GMDS: variants seen among roughly 807,000 people sequenced by gnomAD.
GMDS encodes GDP-mannose 4,6-dehydratase.
GMDS carries 20 observed loss-of-function variants against 49.9 expected under a neutral mutation model. The ratio of observed to expected loss-of-function variants is 0.40; its 90% CI spans 0.28 to 0.58. The LOEUF (loss-of-function observed/expected upper bound fraction) is 0.58, where lower values mean the gene tolerates loss of function less well. Ranked by LOEUF, GMDS falls within the 20% of genes least tolerant of loss-of-function variation. The pLI, the probability that GMDS is intolerant of heterozygous loss-of-function variation, is 0.42. For missense variants in GMDS, 362 were observed against 481.4 expected, an observed-to-expected ratio of 0.75 and a Z score of 2.32; for synonymous variants, 177 against 178.6, an observed-to-expected ratio of 0.99 and a Z score of 0.07.
intron 4 of GMDS, among the ~76,000 whole-genome samples, chr6:1,998,650 T>G (rs949651780): frequency 6.6e-5 from 10 of 152,318 alleles, no homozygotes; most frequent in African/African-American, 2.4e-4. Context: ...AAAACTACAG[T>G]GTACCAATTA....
intron 9 of GMDS, among the ~76,000 whole-genome samples, chr6:1,699,487 G>A (rs903286166): frequency 5.9e-5 from 9 of 152,210 alleles, no homozygotes; most frequent in East Asian, 3.9e-4. Flanking sequence ...ATCCTCTTAC[G>A]TTCTTGGTGT....
chr6:1,828,995 T>C lies in GMDS; in HGVS notation c.772-86409A>G, dbSNP rs76776631. Among the ~76,000 whole-genome samples, 827 of 152,344 alleles carry C rather than the reference T, an allele frequency of 5.4e-3. 7 individuals are homozygous for C. The highest frequency in any genetic ancestry group is 0.018 in the African/African-American group (757 of 41,576). ...TATTTTGTATATGTGTACCATATAC[T>C]GTATTCTTACAATGAAGAAAGCTAC... On this transcript the variant is annotated intron_variant, in intron 7 of 10. Coordinates refer to ENST00000380815, the MANE Select transcript of GMDS (RefSeq NM_001500.4).
chr6:1,862,981 A>T (rs1461110474), intron 7 of GMDS, among the ~76,000 whole-genome samples: 1 of 152,254 alleles, frequency 6.6e-6, no homozygotes, highest in Non-Finnish European at 1.5e-5. Context: ...ATAATTCATT[A>T]TGAGTAATAA....
chr6:1,873,699 G>A (rs1758887303), intron 7 of GMDS, among the ~76,000 whole-genome samples: 1 of 152,200 alleles, frequency 6.6e-6, no homozygotes, highest in South Asian at 2.1e-4. Flanking sequence ...TTTTTAAGCA[G>A]TAAAGATCCT....
chr6:1,687,851 A>T (rs1301093843), intron 9 of GMDS, among the ~76,000 whole-genome samples: 3 of 152,094 alleles, frequency 2.0e-5, no homozygotes, highest in Non-Finnish European at 4.4e-5. Context: ...GTAAGAGGGC[A>T]GGAGCTAAGC....
intron 7 of GMDS, among the ~76,000 whole-genome samples, chr6:1,847,352 G>A (rs1404539273): frequency 6.6e-6 from 1 of 152,074 alleles, no homozygotes; most frequent in Non-Finnish European, 1.5e-5. Flanking sequence ...CCTGCCCTAG[G>A]GTAAATATTC....
chr6:2,211,396 G>A (rs1332017224), intron 1 of GMDS, among the ~76,000 whole-genome samples: 1 of 152,062 alleles, frequency 6.6e-6, no homozygotes, highest in Non-Finnish European at 1.5e-5. Flanking sequence ...GTATCTATTT[G>A]TTTTCCAAAT....
chr6:2,081,850 C>G (rs2127468774), intron 4 of GMDS, among the ~76,000 whole-genome samples: 1 of 152,076 alleles, frequency 6.6e-6, no homozygotes, highest in Admixed American at 6.5e-5. Context: ...GAGATCTCCC[C>G]TCTCCCTCTC....
chr6:1,947,092 A>G (rs749464566), intron 6 of GMDS, among the ~76,000 whole-genome samples: 4 of 152,246 alleles, frequency 2.6e-5, no homozygotes, highest in Non-Finnish European at 5.9e-5. Context: ...TTCTTTTCCT[A>G]TATTTTCAGT....
At chr6:1,993,342 C>T (rs1766072721) in intron 4 of GMDS, among the ~76,000 whole-genome samples, 2 of 152,136 alleles carry the variant, frequency 1.3e-5, no homozygotes, top group Non-Finnish European at 2.9e-5. Context: ...GTAACTTTTC[C>T]TCTATCACTT....
chr6:2,021,941 T>C (rs1013016727), intron 4 of GMDS, among the ~76,000 whole-genome samples: 7 of 152,184 alleles, frequency 4.6e-5, no homozygotes, highest in African/African-American at 1.7e-4. Flanking sequence ...CTCAACATCA[T>C]TAAATTGCTA....
chr6:2,000,844 A>C (rs1766772458), intron 4 of GMDS, among the ~76,000 whole-genome samples: 1 of 152,208 alleles, frequency 6.6e-6, no homozygotes, highest in African/African-American at 2.4e-5. Context: ...CTTTCTAAGA[A>C]ATACTATTCC....
chr6:2,043,949 C>T (rs956039635), intron 4 of GMDS, among the ~76,000 whole-genome samples: 1 of 152,006 alleles, frequency 6.6e-6, no homozygotes, highest in African/African-American at 2.4e-5. Flanking sequence ...GTGTGGCCAA[C>T]AAGCATATGA....
intron 6 of GMDS, among the ~76,000 whole-genome samples, chr6:1,950,384 T>G (rs2127275869): frequency 6.6e-6 from 1 of 152,344 alleles, no homozygotes; most frequent in South Asian, 2.1e-4. Flanking sequence ...TTCTTATAAC[T>G]AATAACAAAA....
intron 9 of GMDS, among the ~76,000 whole-genome samples, chr6:1,674,519 A>G (rs1250595483): frequency 7.2e-6 from 1 of 139,264 alleles, no homozygotes; most frequent in Non-Finnish European, 1.5e-5. Context: ...AGAAGTTTTT[A>G]ATTTTTCTGA....
chr6:1,695,168 C>T (rs935688058), intron 9 of GMDS, among the ~76,000 whole-genome samples: 2 of 152,120 alleles, frequency 1.3e-5, no homozygotes, highest in Non-Finnish European at 2.9e-5. Flanking sequence ...CAGGAAAGCT[C>T]GTCTGCACAA....
intron 7 of GMDS, among the ~76,000 whole-genome samples, chr6:1,863,060 C>T (rs1057471518): frequency 6.6e-6 from 1 of 152,086 alleles, no homozygotes; most frequent in Non-Finnish European, 1.5e-5. Flanking sequence ...TTTTATCCTG[C>T]AGAAAAAAGA....
intron 7 of GMDS, among the ~76,000 whole-genome samples, chr6:1,900,389 C>T (rs1235885653): frequency 6.6e-6 from 1 of 152,208 alleles, no homozygotes; most frequent in Non-Finnish European, 1.5e-5. Context: ...TAGCACATAA[C>T]ACACAAGCAC....
At chr6:1,823,105 C>A (rs886168664) in intron 7 of GMDS, among the ~76,000 whole-genome samples, 1 of 152,056 alleles carries the variant, frequency 6.6e-6, no homozygotes, top group Non-Finnish European at 1.5e-5. Flanking sequence ...GGTATGGATA[C>A]TAGAAGTGTG....
Sources: allele counts gnomAD v4.1 joint callset (sites outside exome capture counted in the v4.1 genomes callset), GRCh38; gene constraint gnomAD v4.1.1; transcripts MANE v1.5; gene names NCBI Gene and HGNC (gene_info 2026-07-23, HGNC 2026-07-21).